The following MXD1 variants were observed in gnomAD, a reference collection of about 807,000 sequenced individuals.
MXD1 encodes MAX-binding protein.
Under a neutral mutation model 25.7 loss-of-function variants are expected in MXD1, and 9 were observed. The observed-to-expected ratio is 0.35, with a 90% CI of 0.21 to 0.61. MXD1 has a LOEUF of 0.61. MXD1 is among the 20% of genes least tolerant of loss of function. MXD1 has a pLI of 0.75. For missense variants in MXD1, 227 were observed against 292.4 expected, an observed-to-expected ratio of 0.78 and a Z score of 1.63; for synonymous variants, 99 against 113.9, an observed-to-expected ratio of 0.87 and a Z score of 0.83.
At chr2:69,921,519 T>C (rs1342596139) in intron 2 of MXD1, among the ~76,000 whole-genome samples, 1 of 152,238 alleles carries the variant, frequency 6.6e-6, no homozygotes, top group Non-Finnish European at 1.5e-5. Context: ...GCATGCTTCT[T>C]GGTTTGTCGC....
chr2:69,938,113 C>CGT lies in MXD1; in HGVS notation c.497_498dup (p.Glu167TrpfsTer18). ...TCCCTGCAGAAGAAATCGACGTTGA[C>CGT]GTGGAGAGCACGGACTATCTCACAG... is the stretch of plus-strand genomic sequence containing the variant. On this transcript the variant is annotated frameshift_variant, in exon 6 of 6. Transcript: ENST00000264444. LOFTEE classifies it high-confidence loss of function. 6.2e-7 allele frequency: 1 copy of CGT among 1,614,048 alleles called. No individual in the cohort carries two copies. Among genetic ancestry groups the CGT allele is most frequent in the Non-Finnish European group, 8.5e-7 (1 of 1,179,948 alleles).
chr2:69,918,269 T>G (rs1676997183), intron 2 of MXD1, among the ~76,000 whole-genome samples: 1 of 152,204 alleles, frequency 6.6e-6, no homozygotes, highest in Admixed American at 6.5e-5. Context: ...TGCTGTGCTT[T>G]TTGCTTGTAG....
At chr2:69,917,835 A>T (rs1448441268) in intron 2 of MXD1, among the ~76,000 whole-genome samples, 5 of 120,422 alleles carry the variant, frequency 4.2e-5, no homozygotes, top group East Asian at 2.4e-4. Flanking sequence ...GCCAAAAAAA[A>T]AAAAATAAAG....
intron 5 of MXD1, among the ~76,000 whole-genome samples, chr2:69,937,751 A>G (rs1644690040): frequency 1.3e-5 from 2 of 152,204 alleles, no homozygotes; most frequent in Admixed American, 1.3e-4. Flanking sequence ...AGCAGCTGGG[A>G]TTACAGGCAC....
chr2:69,932,435 C>A (rs1425457314), intron 3 of MXD1, among the ~76,000 whole-genome samples: 1 of 152,168 alleles, frequency 6.6e-6, no homozygotes. Flanking sequence ...GGCATGTGGG[C>A]AGGGGGCAGC....
At position 69,915,460 on chromosome 2, in the gene MXD1, G is replaced by A. The variant is rs1676944140; in HGVS notation, c.73+57G>A. 5 of 1,236,886 alleles carry A rather than the reference G, an allele frequency of 4.0e-6. No individual in the cohort carries two copies. Among genetic ancestry groups the A allele is most frequent in the African/African-American group, 1.6e-5 (1 of 64,038 alleles). 76.6% of individuals were successfully genotyped at this position (1,236,886 alleles called of 1,614,324 possible). On this transcript the variant is annotated intron_variant, in intron 1 of 5. Coordinates refer to ENST00000264444, the MANE Select transcript of MXD1 (RefSeq NM_002357.4). The surrounding 1 kb of genome is among the most constrained non-coding windows in gnomAD (Gnocchi z 5.8). ...ACGAGGCCGGGGGTCCTGTGGGGCC[G>A]GCCTCAGGTCCGGGCGCCCAGCCGC...
Position 69,939,553 on chromosome 2 carries a change from A to G in MXD1, c.*1269A>G, listed in dbSNP as rs981444468. 7 of 152,778 alleles carry G rather than the reference A, an allele frequency of 4.6e-5. No individual in the cohort carries two copies. The highest frequency in any genetic ancestry group is 1.0e-4 in the Non-Finnish European group (7 of 68,042). 9.5% of individuals were successfully genotyped at this position (152,778 alleles called of 1,614,324 possible). The stretch of plus-strand genomic sequence containing the variant: ...TTTTATATAAACTAATGTAATGGAA[A>G]ACAAATTCTTATGACTTTGTGGTTT... On this transcript the variant is annotated 3_prime_UTR_variant, in exon 6 of 6. Coordinates refer to ENST00000264444, the MANE Select transcript of MXD1 (RefSeq NM_002357.4).
chr2:69,921,903 A>G (rs2104168043), intron 3 of MXD1, 138 bp downstream of exon 3: 2 of 737,280 alleles, frequency 2.7e-6, no homozygotes, highest in East Asian at 6.1e-5. Flanking sequence ...CCCTCTAAGC[A>G]GCATCGCTCA....
At chr2:69,920,334 C>T (rs1048307464) in intron 2 of MXD1, among the ~76,000 whole-genome samples, 6 of 152,122 alleles carry the variant, frequency 3.9e-5, no homozygotes, top group Non-Finnish European at 8.8e-5. Flanking sequence ...TACATGAGGT[C>T]CATATATTGT....
chr2:69,915,129 A>G lies in MXD1; in HGVS notation c.-202A>G. 2.4e-6 allele frequency: 1 copy of G among 413,232 alleles called. No homozygotes were observed. Among genetic ancestry groups the G allele is most frequent in the South Asian group, 1.0e-4 (1 of 9,980 alleles). The allele number at this position is 413,232 out of a possible 1,614,324, so 25.6% of individuals were successfully genotyped here. Reference sequence around the variant, plus strand: ...CTGCTGCTCTGCTCCGGGTTCTGTCACTGTGTCGGCGGTGCCCAGCTCACT... The same window carrying G: ...CTGCTGCTCTGCTCCGGGTTCTGTCGCTGTGTCGGCGGTGCCCAGCTCACT... On this transcript the variant is annotated 5_prime_UTR_variant, in exon 1 of 6. Transcript: ENST00000264444. The surrounding 1 kb of genome is among the most constrained non-coding windows in gnomAD (Gnocchi z 5.8).
intron 3 of MXD1, among the ~76,000 whole-genome samples, chr2:69,922,321 A>G (rs1022113197): frequency 3.7e-4 from 57 of 152,186 alleles, no homozygotes; most frequent in African/African-American, 1.4e-3. Flanking sequence ...CCGCAGCCTG[A>G]GTGGAATCTC....
At chr2:69,931,862 C>G (rs1271136036) in intron 3 of MXD1, among the ~76,000 whole-genome samples, 1 of 152,108 alleles carries the variant, frequency 6.6e-6, no homozygotes, top group Non-Finnish European at 1.5e-5. Flanking sequence ...TAGTCCATGG[C>G]CTAGGTACAA....
In MXD1 at chr2:69,921,711, C is replaced by A. The variant is rs746004990; in HGVS notation, c.174-25C>A. 7.5e-6 allele frequency: 12 copies of A among 1,599,618 alleles called. No homozygotes were observed. The South Asian group carries it at 1.1e-4, about 15-fold the overall frequency. On this transcript the variant is annotated intron_variant, in intron 2 of 5. Coordinates refer to ENST00000264444, the MANE Select transcript of MXD1 (RefSeq NM_002357.4). ...TTCTTTAAGACAAAAATATCTTATT[C>A]TTCTCTTATTGTTCCCTCTTTCAGA...
intron 4 of MXD1, 67 bp downstream of exon 4, chr2:69,935,532 C>T (rs1173478710): frequency 9.0e-7 from 1 of 1,108,572 alleles, no homozygotes; most frequent in East Asian, 2.4e-5. Flanking sequence ...GTTGTTACAT[C>T]TCCAGGACAG....
rs1677505326 is a variant in MXD1 at position 69,938,225 on chromosome 2, A to C, written c.607A>C (p.Ser203Arg). The C allele has an allele frequency of 1.2e-6, 2 of 1,614,224 alleles. No individual in the cohort carries two copies. Among genetic ancestry groups the C allele is most frequent in the Admixed American group, 1.7e-5 (1 of 60,024 alleles). Residue 203 changes from serine (S) to arginine (R), a missense_variant, in exon 6 of 6, where the codon AGC (serine) becomes CGC (arginine). Transcript: ENST00000264444. ...CCTCGGCAGTGATGAGGGCTATTCC[A>C]GCACCAGCATCAAGAGAATAAAGCT... ...QSLGSDEGYS[S>R]TSIKRIKLQD... is the part of the protein sequence containing the mutation.
At chr2:69,930,807 A>G (rs1677264941) in intron 3 of MXD1, among the ~76,000 whole-genome samples, 1 of 152,200 alleles carries the variant, frequency 6.6e-6, no homozygotes, top group African/African-American at 2.4e-5. Flanking sequence ...GATTGAAAGA[A>G]TAACTGCTAC....
chr2:69,928,405 G>A (rs562631529), intron 3 of MXD1, among the ~76,000 whole-genome samples: 4 of 152,292 alleles, frequency 2.6e-5, no homozygotes, highest in Non-Finnish European at 4.4e-5. Flanking sequence ...AATATGTTTG[G>A]TAAGAGCAAA....
intron 3 of MXD1, among the ~76,000 whole-genome samples, chr2:69,925,208 G>T (rs1227226758): frequency 2.0e-5 from 3 of 151,598 alleles, no homozygotes; most frequent in Non-Finnish European, 4.4e-5. Context: ...TAATTTTCTG[G>T]GTCTGATCTC....
At chr2:69,931,345 C>A (rs1176696949) in intron 3 of MXD1, among the ~76,000 whole-genome samples, 1 of 152,070 alleles carries the variant, frequency 6.6e-6, no homozygotes. Flanking sequence ...CCTTTCCCAG[C>A]CTCTGGTAAC....
Sources: gnomAD v4.1 joint callset for allele counts (sites outside exome capture counted in the v4.1 genomes callset) on GRCh38, gnomAD v4.1.1 for gene constraint, Gnocchi (gnomAD v3.1) non-coding constraint, MANE v1.5 for transcripts, NCBI Gene and HGNC (gene_info 2026-07-23, HGNC 2026-07-21) for gene names.